The following ITPR1 variants were observed in gnomAD, a reference collection of about 807,000 sequenced individuals.
The protein encoded by ITPR1 is inositol 1,4,5-trisphosphate receptor type 1.
In ITPR1, 96 loss-of-function variants were observed where a neutral mutation model predicts 318.4. The ratio of observed to expected loss-of-function variants is 0.30; its 90% CI spans 0.26 to 0.36. The LOEUF (loss-of-function observed/expected upper bound fraction) is 0.36, where lower values mean the gene tolerates loss of function less well. Among genes scored for constraint, ITPR1 ranks in the 10% least tolerant of loss-of-function variants. The pLI, the probability that ITPR1 is intolerant of heterozygous loss-of-function variation, is 1.00. For synonymous variants in ITPR1, 1,312 were observed against 1,289.9 expected, an observed-to-expected ratio of 1.02 and a Z score of -0.37; for missense variants, 2,440 against 3,460.2, an observed-to-expected ratio of 0.71 and a Z score of 7.40.
chr3:4,820,282 T>C (rs2049610105), intron 60 of ITPR1, among the ~76,000 whole-genome samples: 2 of 152,246 alleles, frequency 1.3e-5, no homozygotes, highest in Non-Finnish European at 2.9e-5. Context: ...AGGAGGCCTG[T>C]ACTGTTCACC....
chr3:4,735,088 T>C, intron 43 of ITPR1, 76 bp from the exon 44 acceptor site: 1 of 1,121,690 alleles, frequency 8.9e-7, no homozygotes, highest in Non-Finnish European at 1.3e-6. Context: ...GCATAAAGTG[T>C]TGGTGCGTAG....
chr3:4,568,225 A>T (rs1162616417), intron 4 of ITPR1, among the ~76,000 whole-genome samples: 3 of 152,212 alleles, frequency 2.0e-5, no homozygotes, highest in Non-Finnish European at 4.4e-5. Flanking sequence ...AGACAAAATT[A>T]AAAACTTTGA....
chr3:4,806,194 T>C lies in ITPR1; in HGVS notation c.7199T>C (p.Phe2400Ser). 1 of 1,613,926 alleles carries C rather than the reference T, an allele frequency of 6.2e-7. No homozygotes were observed. Among genetic ancestry groups the C allele is most frequent in the Non-Finnish European group, 8.5e-7 (1 of 1,179,788 alleles). ...GYRAMVLDVE[F>S]LYHLLYLVIC... Reference sequence around the variant, plus strand: ...CGAGCCATGGTTCTGGATGTTGAGTTCCTCTATCATTTGTTGTATCTGGTG... The same window carrying C: ...CGAGCCATGGTTCTGGATGTTGAGTCCCTCTATCATTTGTTGTATCTGGTG... The change falls in exon 55 of 62, where the codon TTC becomes TCC. Residue 2400 changes from phenylalanine (F) to serine (S), a missense_variant. Around this residue, in one of 23 missense-constraint regions of ITPR1, gnomAD observed 126 missense variants for 150.8 expected, o/e 0.84. Coordinates refer to ENST00000649015, the MANE Select transcript of ITPR1 (RefSeq NM_001378452.1).
At chr3:4,696,673 GTTTT>G (rs10546052) in intron 33 of ITPR1, among the ~76,000 whole-genome samples, 9 of 117,242 alleles carry the variant, frequency 7.7e-5, no homozygotes, top group African/African-American at 2.8e-4. Flanking sequence ...CTTGCCGTGT[GTTTT>G]TTTTTTTTTT....
chr3:4,761,499 C>T (rs777361189), intron 44 of ITPR1, among the ~76,000 whole-genome samples: 33 of 152,210 alleles, frequency 2.2e-4, no homozygotes, highest in Non-Finnish European at 1.5e-4. Flanking sequence ...GTTTTCTTTA[C>T]GCAGCCCACT....
chr3:4,646,716 A>G (rs1383183866), intron 10 of ITPR1, among the ~76,000 whole-genome samples: 2 of 152,142 alleles, frequency 1.3e-5, no homozygotes, highest in Non-Finnish European at 2.9e-5. Context: ...AAAGAAGGAA[A>G]TGTTCTGAAT....
At chr3:4,566,135 G>A (rs1246465861) in intron 4 of ITPR1, among the ~76,000 whole-genome samples, 1 of 152,058 alleles carries the variant, frequency 6.6e-6, no homozygotes, top group African/African-American at 2.4e-5. Flanking sequence ...TAAATTCAGA[G>A]GACAAATAAA....
chr3:4,686,095 G>A lies in ITPR1; in HGVS notation c.3702+889G>A, dbSNP rs2094389420. ...ATCCTCAAGACACGTGGATGAGATG[G>A]GTGGTGCTATCTTTAGCCCCATTTT... On this transcript the variant is annotated intron_variant, in intron 30 of 61. Transcript: ENST00000649015. Among the ~76,000 whole-genome samples the A allele has an allele frequency of 2.0e-5, 3 of 152,322 alleles. No individual in the cohort carries two copies. The South Asian group carries it at 6.2e-4, about 32-fold the overall frequency.
intron 4 of ITPR1, among the ~76,000 whole-genome samples, chr3:4,547,575 G>A (rs1046045863): frequency 2.0e-5 from 3 of 152,136 alleles, no homozygotes; most frequent in African/African-American, 4.8e-5. Flanking sequence ...TGTAACTTGG[G>A]TTCAAGTACT....
chr3:4,804,021 G>T (rs570955094), intron 54 of ITPR1, among the ~76,000 whole-genome samples: 4 of 152,290 alleles, frequency 2.6e-5, no homozygotes, highest in Non-Finnish European at 5.9e-5. Context: ...ACAGGTGTGT[G>T]CCGCCATGCC....
At chr3:4,612,408 G>C (rs556598921) in intron 4 of ITPR1, among the ~76,000 whole-genome samples, 1 of 152,124 alleles carries the variant, frequency 6.6e-6, no homozygotes, top group Admixed American at 6.5e-5. Context: ...GAATCCAAGG[G>C]GTGTCCTGGG....
chr3:4,681,231 G>A, intron 25 of ITPR1, 133 bp from the exon 26 acceptor site: 1 of 668,616 alleles, frequency 1.5e-6, no homozygotes, highest in South Asian at 1.7e-5. Context: ...ACTCTGCATA[G>A]CTTTGCAATA....
chr3:4,509,516 G>A (rs1478802165), intron 2 of ITPR1, among the ~76,000 whole-genome samples: 2 of 152,210 alleles, frequency 1.3e-5, no homozygotes, highest in Non-Finnish European at 2.9e-5. Flanking sequence ...AACAAACCAG[G>A]TGTGGTGGCT....
chr3:4,653,099 G>A (rs1403844113), intron 11 of ITPR1, among the ~76,000 whole-genome samples: 2 of 152,202 alleles, frequency 1.3e-5, no homozygotes, highest in Admixed American at 6.5e-5. Context: ...CCTACTGTGT[G>A]ACATGTCGAG....
chr3:4,498,749 A>G (rs938392609), intron 2 of ITPR1, among the ~76,000 whole-genome samples: 15 of 152,276 alleles, frequency 9.9e-5, no homozygotes, highest in Non-Finnish European at 1.5e-4. Flanking sequence ...GTGAACGTAC[A>G]GTTGACTTGG....
chr3:4,796,622 T>A (rs2047915965), intron 53 of ITPR1, among the ~76,000 whole-genome samples: 1 of 152,238 alleles, frequency 6.6e-6, no homozygotes, highest in Non-Finnish European at 1.5e-5. Context: ...CACGTCTGTT[T>A]TCTTCACCGG....
At position 4,795,801 on chromosome 3, in the gene ITPR1, C is replaced by A. The variant is rs144732431; in HGVS notation, c.6931+614C>A. ...CCCCAGCCTACCTCCTTCCAGGCTA[C>A]ACATTTTGCTGAGAAAAGGCAGACA... On this transcript the variant is annotated intron_variant, in intron 53 of 61. Coordinates refer to ENST00000649015, the MANE Select transcript of ITPR1 (RefSeq NM_001378452.1). 2.4e-3 allele frequency among the ~76,000 whole-genome samples: 371 copies of A among 152,328 alleles called. 1 individual carries two copies. Among genetic ancestry groups the A allele is most frequent in the African/African-American group, 8.3e-3 (347 of 41,572 alleles).
chr3:4,823,097 G>A (rs1018557357), intron 60 of ITPR1, among the ~76,000 whole-genome samples: 54 of 152,182 alleles, frequency 3.5e-4, no homozygotes, highest in African/African-American at 1.1e-3. Context: ...GAGAATCTGT[G>A]TTAGTCTATA....
At position 4,516,536 on chromosome 3, in the gene ITPR1, T is replaced by C; in HGVS notation, c.45T>C (p.Cys15=). The C allele has an allele frequency of 1.2e-6, 2 of 1,602,978 alleles. No homozygotes were observed. The highest frequency in any genetic ancestry group is 1.7e-6 in the Non-Finnish European group (2 of 1,176,016). ...GCTTCCTACATATTGGAGACATTTG[T>C]TCTCTGTACGCGGAGGGATCGACAA... is the stretch of plus-strand genomic sequence containing the variant. The part of the protein sequence containing the change: ...MSSFLHIGDI[C]SLYAEGSTNG... The change falls in exon 3 of 62, where the codon TGT becomes TGC. Residue 15 remains cysteine (C), a synonymous_variant. Transcript: ENST00000649015.
Sources: gnomAD v4.1 joint callset for allele counts (sites outside exome capture counted in the v4.1 genomes callset) on GRCh38, gnomAD v4.1.1 for gene constraint, gnomAD v4.1.1 regional missense constraint, MANE v1.5 for transcripts, NCBI Gene and HGNC (gene_info 2026-07-23, HGNC 2026-07-21) for gene names.